SEH1L: variants seen among roughly 807,000 people sequenced by gnomAD.
SEH1L encodes the protein SEH1 like nucleoporin, also known as nucleoporin SEH1.
In SEH1L, 18 loss-of-function variants were observed where a neutral mutation model predicts 49.5. That is an observed-to-expected ratio of 0.36 (90% CI 0.25 to 0.54). SEH1L has a LOEUF of 0.54. Ranked by LOEUF, SEH1L falls within the 20% of genes least tolerant of loss-of-function variation. The pLI is 0.87. For synonymous variants in SEH1L, 169 were observed against 178.1 expected (o/e 0.95, Z 0.41); for missense variants, 404 against 528.8 (o/e 0.76, Z 2.31).
At chr18:12,965,562 T>C (rs996354642) in intron 4 of SEH1L, among the ~76,000 whole-genome samples, 1 of 152,230 alleles carries the variant, frequency 6.6e-6, no homozygotes, top group African/African-American at 2.4e-5. Context: ...ATTGATAGTT[T>C]GGCTAGTTTT....
At chr18:12,986,803 G>GTTTTT in intron 8 of SEH1L, 59 bp from the exon 9 acceptor site, 2 of 1,131,552 alleles carry the variant, frequency 1.8e-6, no homozygotes, top group South Asian at 7.6e-5. Flanking sequence ...TTTTTCTTGT[G>GTTTTT]TTTTTTTTTT....
At chr18:12,959,428 A>C (rs2031065127) in intron 3 of SEH1L, among the ~76,000 whole-genome samples, 1 of 152,142 alleles carries the variant, frequency 6.6e-6, no homozygotes, top group Non-Finnish European at 1.5e-5. Context: ...GCGATCCTCC[A>C]CCTTGGCCCC....
intron 8 of SEH1L, chr18:12,985,283 T>G: frequency 6.2e-7 from 1 of 1,604,666 alleles, no homozygotes; most frequent in African/African-American, 1.3e-5. Context: ...CTTTGCTGTT[T>G]TGCTGCTTGT....
chr18:12,965,169 C>T (rs936983763), intron 4 of SEH1L, among the ~76,000 whole-genome samples: 3 of 151,698 alleles, frequency 2.0e-5, no homozygotes, highest in East Asian at 1.9e-4. Flanking sequence ...CCTGCCACCA[C>T]GCCTGGCTAA....
chr18:12,986,441 T>G (rs3602), intron 8 of SEH1L: 1 of 985,830 alleles, frequency 1.0e-6, no homozygotes, highest in African/African-American at 1.7e-5. Context: ...CTAAAAAAAA[T>G]GTGTGCTTGC....
At chr18:12,973,323 A>ATTT (rs2031780146) in intron 5 of SEH1L, 4 of 140,634 alleles carry the variant, frequency 2.8e-5, no homozygotes, top group African/African-American at 8.1e-5. Flanking sequence ...TTTTTTTTTG[A>ATTT]GAGTCTCACT....
At chr18:12,970,582 G>A (rs2031656199) in intron 4 of SEH1L, among the ~76,000 whole-genome samples, 1 of 152,092 alleles carries the variant, frequency 6.6e-6, no homozygotes, top group Admixed American at 6.6e-5. Flanking sequence ...ACCACACCAG[G>A]CTAATTAAAC....
chr18:12,986,127 A>G, intron 8 of SEH1L: 1 of 984,554 alleles, frequency 1.0e-6, no homozygotes, highest in South Asian at 4.7e-5. Flanking sequence ...TCAGCATTCC[A>G]TGTCTCAAGA....
intron 3 of SEH1L, among the ~76,000 whole-genome samples, chr18:12,958,172 C>T (rs1213895780): frequency 2.2e-5 from 3 of 137,830 alleles, no homozygotes; most frequent in Admixed American, 1.7e-4. Context: ...CATTCTCCGC[C>T]TCCGGGGTTC....
intron 1 of SEH1L, among the ~76,000 whole-genome samples, chr18:12,949,195 C>T (rs866205085): frequency 4.0e-5 from 6 of 151,402 alleles, no homozygotes; most frequent in Middle Eastern, 3.5e-3. Flanking sequence ...TGTGGGGATG[C>T]TACATGAGAT....
At chr18:12,970,383 G>C (rs1204437594) in intron 4 of SEH1L, among the ~76,000 whole-genome samples, 1 of 152,150 alleles carries the variant, frequency 6.6e-6, no homozygotes, top group Non-Finnish European at 1.5e-5. Context: ...TGCAGGGGTA[G>C]TCTTTTCCAC....
At chr18:12,974,993 A>G (rs1485401631) in intron 5 of SEH1L, among the ~76,000 whole-genome samples, 2 of 150,310 alleles carry the variant, frequency 1.3e-5, no homozygotes, top group Non-Finnish European at 3.0e-5. Flanking sequence ...TTTTATTTTT[A>G]TTTTATTTTT....
At chr18:12,951,779 C>G in intron 1 of SEH1L, 76 bp from the exon 2 acceptor site, 1 of 852,218 alleles carries the variant, frequency 1.2e-6, no homozygotes, top group South Asian at 1.5e-5. Context: ...TCCTTGTACA[C>G]TGATTCAGTC....
rs1430247089 is a variant in SEH1L at position 12,983,953 on chromosome 18, A to C, written c.920-87A>C. The C allele has an allele frequency of 5.3e-6, 5 of 951,986 alleles. No homozygotes were observed. The Admixed American group carries it at 1.2e-4, about 23-fold the overall frequency. The allele number at this position is 951,986 out of a possible 1,614,324, so 59.0% of individuals were successfully genotyped here. On this transcript the variant is annotated intron_variant, in intron 7 of 8. Transcript: ENST00000399892. ...CTCATAGCCTCTGTCTCGTTTCTTT[A>C]ATTGTAGTTTAAGGACATGGGTACA...
At chr18:12,985,329 C>G in intron 8 of SEH1L, 1 of 1,567,690 alleles carries the variant, frequency 6.4e-7, no homozygotes, top group Non-Finnish European at 8.7e-7. Flanking sequence ...AGCTCCTTTT[C>G]CCCTTCCCCA....
At chr18:12,982,003 G>T (rs2145668502) in intron 6 of SEH1L, among the ~76,000 whole-genome samples, 1 of 151,916 alleles carries the variant, frequency 6.6e-6, no homozygotes, top group Admixed American at 6.6e-5. Flanking sequence ...GGGACTACAG[G>T]CGCCCGCCAC....
chr18:12,962,856 T>G (rs973104550), intron 3 of SEH1L, among the ~76,000 whole-genome samples: 23 of 152,170 alleles, frequency 1.5e-4, no homozygotes, highest in Admixed American at 1.2e-3. Flanking sequence ...TTTTCTTTTT[T>G]TTTTGTGATC....
intron 8 of SEH1L, among the ~76,000 whole-genome samples, chr18:12,984,484 A>G (rs761549536): frequency 9.2e-5 from 14 of 152,234 alleles, no homozygotes; most frequent in Non-Finnish European, 1.5e-4. Flanking sequence ...GAGGAAGGTT[A>G]TCTGGTTTAA....
chr18:12,982,403 G>T, intron 6 of SEH1L, 115 bp from the exon 7 acceptor site: 1 of 695,112 alleles, frequency 1.4e-6, no homozygotes. Flanking sequence ...TGATGTGGTG[G>T]CGAGACCACT....
Sources: allele counts gnomAD v4.1 joint callset (sites outside exome capture counted in the v4.1 genomes callset), GRCh38; gene constraint gnomAD v4.1.1; transcripts MANE v1.5; gene names NCBI Gene and HGNC (gene_info 2026-07-23, HGNC 2026-07-21).